CNN2: variants seen among roughly 807,000 people sequenced by gnomAD.
CNN2 encodes the protein calponin-2.
A neutral mutation model predicts 31.0 loss-of-function variants in CNN2; 21 were observed. The observed-to-expected ratio is 0.68, with a 90% CI of 0.48 to 0.98. CNN2 has a LOEUF of 0.98. Ranked by LOEUF, CNN2 falls within the 50% of genes least tolerant of loss-of-function variation. CNN2 has a pLI of 0.00. For synonymous variants in CNN2, 165 were observed against 179.6 expected (o/e 0.92, Z 0.65); for missense variants, 399 against 427.3 (o/e 0.93, Z 0.58).
intron 4 of CNN2, among the ~76,000 whole-genome samples, chr19:1,035,451 C>T (rs35190713): frequency 0.16 from 24,042 of 152,052 alleles, 1,986 homozygotes; most frequent in Non-Finnish European, 0.18. Context: ...AGGAGCCGGG[C>T]GCAGACATCC....
chr19:1,027,856 G>A (rs2039423777), intron 1 of CNN2, among the ~76,000 whole-genome samples: 1 of 152,174 alleles, frequency 6.6e-6, no homozygotes, highest in South Asian at 2.1e-4. Context: ...CACCTGCCCG[G>A]CGGCACTCCA....
intron 1 of CNN2, chr19:1,026,964 C>CA: frequency 4.1e-6 from 2 of 492,440 alleles, no homozygotes; most frequent in Non-Finnish European, 7.2e-6. Context: ...CCATTCCCCC[C>CA]CCCAACATCT....
chr19:1,033,036 C>T (rs2039525184), intron 4 of CNN2: 1 of 265,062 alleles, frequency 3.8e-6, no homozygotes, highest in Non-Finnish European at 7.6e-6. Flanking sequence ...GCCTCGGCCT[C>T]CCCAAGTGCT....
rs2144610229 is a variant in CNN2 at position 1,026,646 on chromosome 19, C to T, written c.-16C>T. Reference sequence around the variant, plus strand: ...CCCGTCCTGTGCGGCCCCGTCCCGCCGCCCGCCCGCCAGCCATGAGCTCCA... The same window carrying T: ...CCCGTCCTGTGCGGCCCCGTCCCGCTGCCCGCCCGCCAGCCATGAGCTCCA... On this transcript the variant is annotated 5_prime_UTR_variant, in exon 1 of 7. Coordinates refer to ENST00000263097, the MANE Select transcript of CNN2 (RefSeq NM_004368.4). 2.0e-6 allele frequency: 3 copies of T among 1,531,500 alleles called. No homozygotes were observed. Among genetic ancestry groups the T allele is most frequent in the African/African-American group, 1.4e-5 (1 of 70,784 alleles). 94.9% of individuals were successfully genotyped at this position (1,531,500 alleles called of 1,614,324 possible).
rs572910556 is a variant in CNN2 at position 1,032,659 on chromosome 19, C to T, written c.353C>T (p.Thr118Met). 1.2e-5 allele frequency: 19 copies of T among 1,612,282 alleles called. No individual in the cohort carries two copies. Among genetic ancestry groups the T allele is most frequent in the South Asian group, 4.4e-5 (4 of 91,024 alleles). Residue 118 changes from threonine to methionine, a missense_variant, in exon 4 of 7, where the codon ACG becomes ATG. Thr to Met is a moderately conservative substitution (Grantham distance 81). Coordinates refer to ENST00000263097, the MANE Select transcript of CNN2 (RefSeq NM_004368.4). ...GACCTGTTTGAGAGTGGGAACATGACGCAGGTGCAGGTGTCTCTTCTCGCC... is the reference window on the plus strand; with the variant it reads ...GACCTGTTTGAGAGTGGGAACATGATGCAGGTGCAGGTGTCTCTTCTCGCC... ...ANDLFESGNM[T>M]QVQVSLLALA...
At chr19:1,028,932 T>G (rs928606365) in intron 1 of CNN2, among the ~76,000 whole-genome samples, 21 of 152,262 alleles carry the variant, frequency 1.4e-4, no homozygotes, top group Non-Finnish European at 1.5e-4. Flanking sequence ...CGCCTTTGCC[T>G]CCTCTGGGCT....
At chr19:1,026,786 A>T in intron 1 of CNN2, 62 bp downstream of exon 1, 1 of 1,470,782 alleles carries the variant, frequency 6.8e-7, no homozygotes, top group East Asian at 2.7e-5. Flanking sequence ...CGACCGGTGC[A>T]GGAGCCCCCA....
At chr19:1,026,777 G>A (rs1330388250) in intron 1 of CNN2, 53 bp downstream of exon 1, 20 of 1,521,878 alleles carry the variant, frequency 1.3e-5, no homozygotes, top group African/African-American at 4.2e-5. Context: ...CGCACGCTCC[G>A]ACCGGTGCAG....
At position 1,033,379 on chromosome 19, in the gene CNN2, G is replaced by T. The variant is rs138060907; in HGVS notation, c.390+683G>T. ...CTAAGAAAACAAAAATTACCTGGGC[G>T]TGGTGGTGCATGCCTGTAATCCCAG... On this transcript the variant is annotated intron_variant, in intron 4 of 6. Transcript: ENST00000263097. 5.1e-3 allele frequency among the ~76,000 whole-genome samples: 779 copies of T among 152,122 alleles called. 6 individuals carry two copies. The highest frequency in any genetic ancestry group is 0.018 in the African/African-American group (741 of 41,510).
chr19:1,030,295 G>C (rs1462771905), intron 1 of CNN2, among the ~76,000 whole-genome samples: 2 of 152,156 alleles, frequency 1.3e-5, no homozygotes, highest in Non-Finnish European at 2.9e-5. Flanking sequence ...GACTAGAGGC[G>C]GTCAGCCTCG....
In CNN2 at chr19:1,036,651, T is replaced by C. The variant is rs555096783; in HGVS notation, c.654+89T>C. On this transcript the variant is annotated intron_variant, in intron 6 of 6. Coordinates refer to ENST00000263097, the MANE Select transcript of CNN2 (RefSeq NM_004368.4). ...CCTCCCTGGGGCCACCTCCAGCTTCTCTCCCCACTCTCAGTCTCAGCCCCT... is the reference window on the plus strand; with the variant it reads ...CCTCCCTGGGGCCACCTCCAGCTTCCCTCCCCACTCTCAGTCTCAGCCCCT... The C allele has an allele frequency of 3.5e-5, 52 of 1,504,434 alleles. No homozygotes were observed. The African/African-American group carries it at 6.8e-4, about 20-fold the overall frequency. 93.2% of individuals were successfully genotyped at this position (1,504,434 alleles called of 1,614,324 possible).
At chr19:1,031,659 A>G (rs73503267) in intron 2 of CNN2, among the ~76,000 whole-genome samples, 74,733 of 143,390 alleles carry the variant, frequency 0.52, 19,904 homozygotes, top group East Asian at 0.64. Flanking sequence ...CTGTTGCCCA[A>G]GCTGGAGTGC....
chr19:1,032,423 C>A lies in CNN2; in HGVS notation c.217C>A (p.Pro73Thr), dbSNP rs755070665. The A allele has an allele frequency of 3.7e-6, 6 of 1,613,672 alleles. No individual in the cohort carries two copies. The South Asian group carries it at 6.6e-5, about 18-fold the overall frequency. The change falls in exon 3 of 7, where the codon CCC (proline) becomes ACC (threonine). Residue 73 changes from proline to threonine, a missense_variant. By Grantham distance (38) the Pro-to-Thr change is conservative. Transcript: ENST00000263097. ...GAACAAGCTACAGCCGGGCTCCGTC[C>A]CCAAGATCAACCGCTCCATGCAGAA... ...LMNKLQPGSV[P>T]KINRSMQNWH...
intron 6 of CNN2, 36 bp from the exon 7 acceptor site, chr19:1,037,589 C>T (rs975934651): frequency 6.3e-7 from 1 of 1,595,130 alleles, no homozygotes; most frequent in Non-Finnish European, 8.6e-7. Context: ...CCTCTTCTCT[C>T]CACCATGACC....
In CNN2 at chr19:1,027,285, C is replaced by T. The variant is rs979287512; in HGVS notation, c.63+561C>T. 7.2e-5 allele frequency among the ~76,000 whole-genome samples: 11 copies of T among 152,254 alleles called. No individual in the cohort carries two copies. In the East Asian group the frequency reaches 2.1e-3, roughly 29 times the overall value. ...GGGGAGGGGCGGTAGCCGCTTTGCACGGTCTTTGTCTCCCATCTGACTAAT... is the reference window on the plus strand; with the variant it reads ...GGGGAGGGGCGGTAGCCGCTTTGCATGGTCTTTGTCTCCCATCTGACTAAT... On this transcript the variant is annotated intron_variant, in intron 1 of 6. Coordinates refer to ENST00000263097, the MANE Select transcript of CNN2 (RefSeq NM_004368.4).
intron 1 of CNN2, among the ~76,000 whole-genome samples, chr19:1,029,803 G>C (rs1316496017): frequency 6.6e-6 from 1 of 151,580 alleles, no homozygotes; most frequent in African/African-American, 2.4e-5. Context: ...GGGTTCAAGC[G>C]ATTCTCCTGC....
Position 1,031,207 on chromosome 19 carries a change from G to A in CNN2, c.185+15G>A. 6.3e-7 allele frequency: 1 copy of A among 1,584,838 alleles called. No homozygotes were observed. Among genetic ancestry groups the A allele is most frequent in the Non-Finnish European group, 8.6e-7 (1 of 1,161,510 alleles). On this transcript the variant is annotated intron_variant, in intron 2 of 6. Coordinates refer to ENST00000263097, the MANE Select transcript of CNN2 (RefSeq NM_004368.4). ...ATCTTATGCACGTGAGTACACGCAG[G>A]GACACAGGCTGTCTCACACTTAACA...
At chr19:1,033,638 GGGAGCGTGGGTGGGACA>G (rs1599512390) in intron 4 of CNN2, among the ~76,000 whole-genome samples, 10 of 149,794 alleles carry the variant, frequency 6.7e-5, no homozygotes, top group South Asian at 4.3e-4. Flanking sequence ...GGTGTAGACC[GGGAGCGTGGGTGGGACA>G]GTGTCTGGTG....
At chr19:1,036,855 A>G in intron 6 of CNN2, 1 of 453,496 alleles carries the variant, frequency 2.2e-6, no homozygotes, top group Non-Finnish European at 4.1e-6. Flanking sequence ...TATTTATTTT[A>G]TTTATGTATT....
Sources: gnomAD v4.1 joint callset for allele counts (sites outside exome capture counted in the v4.1 genomes callset) on GRCh38, gnomAD v4.1.1 for gene constraint, MANE v1.5 for transcripts, NCBI Gene and HGNC (gene_info 2026-07-23, HGNC 2026-07-21) for gene names.